Variants in PI16 observed in about 807,000 individuals in gnomAD.
The protein encoded by PI16 is peptidase inhibitor 16.
In PI16, 35 loss-of-function variants were observed where a neutral mutation model predicts 38.0. That is an observed-to-expected ratio of 0.92 (90% CI 0.70 to 1.22). The LOEUF (loss-of-function observed/expected upper bound fraction) is 1.22. Among genes scored for constraint, PI16 ranks in the 50% most tolerant of loss-of-function variants. The probability of loss-of-function intolerance (pLI) is 0.00; values close to 1 mark genes in which losing one functional copy is unlikely to be tolerated. For synonymous variants in PI16, 275 were observed against 252.9 expected (o/e 1.09, Z -0.83); for missense variants, 572 against 593.8 (o/e 0.96, Z 0.38).
chr6:36,960,272 T>C (rs1407005397), intron 2 of PI16, among the ~76,000 whole-genome samples: 4 of 151,788 alleles, frequency 2.6e-5, no homozygotes, highest in African/African-American at 9.7e-5. Flanking sequence ...CAGTCACACT[T>C]TGCTCCTGTC....
At position 36,948,711 on chromosome 6, in the gene PI16, TCTCTCTCG is replaced by T. The variant is rs529311143; in HGVS notation, c.-82+315_-82+322del. Among the ~76,000 whole-genome samples the T allele has an allele frequency of 1.8e-3, 156 of 86,468 alleles. 3 individuals carry two copies. Among genetic ancestry groups the T allele is most frequent in the African/African-American group, 6.5e-3 (151 of 23,082 alleles). The allele number at this position is 86,468 out of a possible 152,430, so 56.7% of individuals were successfully genotyped here. A position where few individuals can be genotyped will look rare whatever the true frequency, so the allele number is the denominator to read the frequency against. ...CCCTCCTTTCCTTACTGTCTCCCTT[TCTCTCTCG>T]CTCTCTCTCTCTCCCCTTCCTTCCC... On this transcript the variant is annotated intron_variant, in intron 1 of 7. Transcript: ENST00000611814.
upstream of PI16, among the ~76,000 whole-genome samples, chr6:36,953,632 C>T (rs1235636688): frequency 6.6e-6 from 1 of 152,054 alleles, no homozygotes; most frequent in Non-Finnish European, 1.5e-5. Context: ...TGTGGGTAGA[C>T]TTTTTCTAGG....
At chr6:36,958,430 C>A (rs1432183402) in intron 1 of PI16, among the ~76,000 whole-genome samples, 2 of 152,252 alleles carry the variant, frequency 1.3e-5, no homozygotes, top group African/African-American at 2.4e-5. Flanking sequence ...GAGGTCCCCA[C>A]TGGAGAACAC....
At chr6:36,964,206 C>G (rs1406712685) in intron 6 of PI16, among the ~76,000 whole-genome samples, 180 bp from the exon 7 acceptor site, 1 of 152,210 alleles carries the variant, frequency 6.6e-6, no homozygotes, top group African/African-American at 2.4e-5. Context: ...TGGCTGCAGA[C>G]TGTTCTGAGC....
chr6:36,960,683 G>A (rs9357232), intron 2 of PI16, among the ~76,000 whole-genome samples: 17,818 of 136,526 alleles, frequency 0.13, 1,335 homozygotes, highest in Admixed American at 0.18. Context: ...GCTCCTGCAG[G>A]GATTGTTATC....
In PI16 at chr6:36,964,573, C is replaced by G. The variant is rs904070559; in HGVS notation, c.*206C>G. 1 of 152,678 alleles carries G rather than the reference C, an allele frequency of 6.5e-6. No individual in the cohort carries two copies. Among genetic ancestry groups the G allele is most frequent in the African/African-American group, 2.4e-5 (1 of 41,456 alleles). 9.5% of individuals were successfully genotyped at this position (152,678 alleles called of 1,614,324 possible). A position where few individuals can be genotyped will look rare whatever the true frequency, so the allele number is the denominator to read the frequency against. On this transcript the variant is annotated 3_prime_UTR_variant, in exon 7 of 7. Coordinates refer to ENST00000373674, the MANE Select transcript of PI16 (RefSeq NM_153370.3). ...AGGAGGCCGCCTGAGGACTGCACACCGGGCCCACACCTCTCCTGCCCCTCC... is the reference window on the plus strand; with the variant it reads ...AGGAGGCCGCCTGAGGACTGCACACGGGGCCCACACCTCTCCTGCCCCTCC...
chr6:36,959,939 G>C (rs900092292), intron 2 of PI16, among the ~76,000 whole-genome samples: 2 of 151,790 alleles, frequency 1.3e-5, no homozygotes, highest in African/African-American at 4.8e-5. Context: ...GACATGTTAG[G>C]TGTCACAGAG....
At chr6:36,957,543 A>G (rs1435104718) in intron 1 of PI16, among the ~76,000 whole-genome samples, 1 of 152,172 alleles carries the variant, frequency 6.6e-6, no homozygotes. Flanking sequence ...AATGCCCAGG[A>G]CTGTTGAATG....
rs555227067 is a variant in PI16, at chr6:36,962,637, C to A, written c.593-298C>A. On this transcript the variant is annotated intron_variant, in intron 4 of 6. Transcript: ENST00000373674. This position sits in a 1 kb window ranked among gnomAD's most constrained non-coding sequence, Gnocchi z 4.1. ...TACAGGCACGCGCCACCACGCCTGG[C>A]TAATTTTGTATTTTTAGTAGAGATG... is the stretch of plus-strand genomic sequence containing the variant. 2.0e-4 allele frequency among the ~76,000 whole-genome samples: 31 copies of A among 152,168 alleles called. No individual in the cohort carries two copies. The highest frequency in any genetic ancestry group is 7.5e-4 in the African/African-American group (31 of 41,518).
Position 36,962,567 on chromosome 6 carries a change from G to A in PI16, c.593-368G>A, listed in dbSNP as rs1466033375. Among the ~76,000 whole-genome samples the A allele has an allele frequency of 5.3e-5, 8 of 152,004 alleles. No individual in the cohort carries two copies. The highest frequency in any genetic ancestry group is 8.8e-5 in the Non-Finnish European group (6 of 67,988). ...GGCTCACCTGCAACCTCCGCCTCCC[G>A]GTTTGAAGCAATTCTCCTGCCTCAG... On this transcript the variant is annotated intron_variant, in intron 4 of 6. Coordinates refer to ENST00000373674, the MANE Select transcript of PI16 (RefSeq NM_153370.3). The surrounding 1 kb of genome is among the most constrained non-coding windows in gnomAD (Gnocchi z 4.1).
intron 6 of PI16, 89 bp downstream of exon 6, chr6:36,964,051 G>C: frequency 6.9e-7 from 1 of 1,442,308 alleles, no homozygotes; most frequent in East Asian, 2.4e-5. Context: ...GGCAGGTCCT[G>C]CTCTGTGGCC....
At chr6:36,953,407 ATTGTT>A (rs1763132997), upstream of PI16, among the ~76,000 whole-genome samples, 4 of 152,058 alleles carry the variant, frequency 2.6e-5, no homozygotes, top group South Asian at 8.3e-4. Flanking sequence ...TATAAATGAA[ATTGTT>A]TTCTTAATTT....
chr6:36,952,532 G>A (rs1043280597), upstream of PI16, among the ~76,000 whole-genome samples: 1 of 152,134 alleles, frequency 6.6e-6, no homozygotes, highest in African/African-American at 2.4e-5. Flanking sequence ...GGACATTCCA[G>A]TTTTCTAAGT....
Position 36,963,347 on chromosome 6 carries a change from C to T in PI16, c.1005C>T (p.Asn335=), listed in dbSNP as rs748556146. 41 of 1,614,204 alleles carry T rather than the reference C, an allele frequency of 2.5e-5. 2 individuals are homozygous for T. The South Asian group carries it at 4.1e-4, about 16-fold the overall frequency. Residue 335 remains asparagine, a synonymous_variant, in exon 5 of 7, where the codon AAC becomes AAT. Coordinates refer to ENST00000373674, the MANE Select transcript of PI16 (RefSeq NM_153370.3). The stretch of plus-strand genomic sequence containing the variant: ...AAGTGCCCTCTAGGAGCCCAGAGAA[C>T]TCTCTGGACCCCAAGATGTCCCTGA... The part of the protein sequence containing the change: ...KTKVPSRSPE[N]SLDPKMSLTG...
intron 1 of PI16, among the ~76,000 whole-genome samples, chr6:36,957,823 C>A (rs1247639026): frequency 6.6e-6 from 1 of 152,190 alleles, no homozygotes; most frequent in Non-Finnish European, 1.5e-5. Flanking sequence ...GCCAGCACTG[C>A]GCCAGACACT....
chr6:36,959,455 C>G, intron 2 of PI16, 89 bp downstream of exon 2: 3 of 1,321,068 alleles, frequency 2.3e-6, no homozygotes, highest in Non-Finnish European at 3.1e-6. Context: ...TCTGCCTTCA[C>G]CCCTCCTAAG....
upstream of PI16, among the ~76,000 whole-genome samples, chr6:36,954,015 A>G (rs1235845793): frequency 1.3e-5 from 2 of 152,240 alleles, no homozygotes; most frequent in African/African-American, 4.8e-5. Flanking sequence ...GAATACAGCT[A>G]GAGTGGGGAA....
At chr6:36,950,606 C>T (rs1195239288), upstream of PI16, among the ~76,000 whole-genome samples, 1 of 151,654 alleles carries the variant, frequency 6.6e-6, no homozygotes, top group Non-Finnish European at 1.5e-5. This position sits in a 1 kb window ranked among gnomAD's most constrained non-coding sequence, Gnocchi z 4.2. Flanking sequence ...AGCAATGGCA[C>T]GATCTCGGCT....
At position 36,962,270 on chromosome 6, in the gene PI16, C is replaced by T. The variant is rs996173332; in HGVS notation, c.592+296C>T. Among the ~76,000 whole-genome samples, 1 of 152,126 alleles carries T rather than the reference C, an allele frequency of 6.6e-6. No individual in the cohort carries two copies. Among genetic ancestry groups the T allele is most frequent in the African/African-American group, 2.4e-5 (1 of 41,432 alleles). On this transcript the variant is annotated intron_variant, in intron 4 of 6. Transcript: ENST00000373674. This position sits in a 1 kb window ranked among gnomAD's most constrained non-coding sequence, Gnocchi z 4.1. ...CGCCACACTTTAGGGTCTCGAGGAG[C>T]GGGCTGGGGCCAGACCGGTGGGCGT...
Sources: gnomAD v4.1 joint callset for allele counts (sites outside exome capture counted in the v4.1 genomes callset) on GRCh38, gnomAD v4.1.1 for gene constraint, Gnocchi (gnomAD v3.1) non-coding constraint, MANE v1.5 for transcripts, NCBI Gene and HGNC (gene_info 2026-07-23, HGNC 2026-07-21) for gene names.